ADAM9: variants seen among roughly 807,000 people sequenced by gnomAD.
ADAM9 encodes the protein ADAM metallopeptidase domain 9, also known as disintegrin and metalloproteinase domain-containing protein 9.
In ADAM9, 54 loss-of-function variants were observed where a neutral mutation model predicts 108.1. That is an observed-to-expected ratio of 0.50 (90% CI 0.40 to 0.63). The LOEUF (loss-of-function observed/expected upper bound fraction) is 0.63. Among genes scored for constraint, ADAM9 ranks in the 20% least tolerant of loss-of-function variants. The pLI is 0.00. For synonymous variants in ADAM9, 316 were observed against 336.0 expected (o/e 0.94, Z 0.65); for missense variants, 830 against 997.7 (o/e 0.83, Z 2.26).
intron 13 of ADAM9, among the ~76,000 whole-genome samples, chr8:39,055,200 T>C (rs190845464): frequency 2.0e-5 from 3 of 152,312 alleles, no homozygotes; most frequent in East Asian, 1.9e-4. Flanking sequence ...GTTTTTGATA[T>C]ACATTTTATA....
intron 1 of ADAM9, among the ~76,000 whole-genome samples, chr8:39,001,244 T>C (rs753770622): frequency 6.6e-6 from 1 of 152,226 alleles, no homozygotes; most frequent in Non-Finnish European, 1.5e-5. Flanking sequence ...ATGTGTAGGC[T>C]ATGTAGATTT....
chr8:39,017,011 C>T, intron 5 of ADAM9: 2 of 572,490 alleles, frequency 3.5e-6, no homozygotes, highest in South Asian at 4.1e-5. Context: ...AAGTGACTTA[C>T]AGGCAGTGAC....
chr8:39,026,875 G>A, intron 11 of ADAM9, 65 bp downstream of exon 11: 2 of 1,593,970 alleles, frequency 1.3e-6, no homozygotes, highest in Non-Finnish European at 1.7e-6. Context: ...TACACTGTGA[G>A]GGATATTCAT....
At chr8:39,029,738 G>A (rs1407863910) in intron 11 of ADAM9, among the ~76,000 whole-genome samples, 1 of 152,074 alleles carries the variant, frequency 6.6e-6, no homozygotes, top group Non-Finnish European at 1.5e-5. Flanking sequence ...TCATTTGGTC[G>A]GAGGGCCTGA....
rs369891020 is a variant in ADAM9, at chr8:39,007,992, T to C, written c.195+9T>C. The C allele has an allele frequency of 1.5e-5, 23 of 1,569,638 alleles. No individual in the cohort carries two copies. The highest frequency in any genetic ancestry group is 1.7e-4 in the Middle Eastern group (1 of 5,982). ...GGCCCTATTCAAAACAAGTAAGTTATAATTGTTGAGAAATAATATGTGGTT... is the reference window on the plus strand; with the variant it reads ...GGCCCTATTCAAAACAAGTAAGTTACAATTGTTGAGAAATAATATGTGGTT... On this transcript the variant is annotated intron_variant, in intron 2 of 21. Coordinates refer to ENST00000487273, the MANE Select transcript of ADAM9 (RefSeq NM_003816.3).
intron 20 of ADAM9, among the ~76,000 whole-genome samples, chr8:39,099,700 A>G (rs747504233): frequency 4.6e-5 from 7 of 152,192 alleles, no homozygotes; most frequent in Non-Finnish European, 8.8e-5. Context: ...GGCAAATCAT[A>G]GTTGTATACA....
At chr8:39,079,771 G>C (rs954871759) in intron 16 of ADAM9, among the ~76,000 whole-genome samples, 1 of 152,102 alleles carries the variant, frequency 6.6e-6, no homozygotes, top group African/African-American at 2.4e-5. Flanking sequence ...TTTTAGTAGA[G>C]ACGGGGTTTC....
rs1564396976 is a variant in ADAM9 at position 39,103,657 on chromosome 8, C to T, written c.2417C>T (p.Ala806Val). Residue 806 changes from alanine to valine, a missense_variant, in exon 22 of 22, where the codon GCC (alanine) becomes GTC (valine). This residue lies in a region of ADAM9 where 238 missense variants were observed against 235.7 expected (regional missense o/e 1.01). Coordinates refer to ENST00000487273, the MANE Select transcript of ADAM9 (RefSeq NM_003816.3). ...TCATCTCAGGGAAACTTAATTCCTG[C>T]CCGTCCTGCTCCTGCACCTCCTTTA... Reference protein sequence around the residue: ...KVSSQGNLIPARPAPAPPLYS... With the variant: ...KVSSQGNLIPVRPAPAPPLYS... 1 of 1,614,112 alleles carries T rather than the reference C, an allele frequency of 6.2e-7. No individual in the cohort carries two copies. Among genetic ancestry groups the T allele is most frequent in the Non-Finnish European group, 8.5e-7 (1 of 1,179,996 alleles).
At chr8:39,007,865 T>C (rs757129196) in intron 1 of ADAM9, 21 bp from the exon 2 acceptor site, 7 of 1,535,594 alleles carry the variant, frequency 4.6e-6, no homozygotes, top group Non-Finnish European at 6.3e-6. Flanking sequence ...CTTATTATAT[T>C]TGTTTTTGCC....
At position 39,040,044 on chromosome 8, in the gene ADAM9, T is replaced by TTTTA. The variant is rs201372354; in HGVS notation, c.1131-1882_1131-1879dup. Among the ~76,000 whole-genome samples the TTTTA allele has an allele frequency of 5.0e-4, 76 of 152,194 alleles. No homozygotes were observed. In the East Asian group the frequency reaches 5.8e-3, roughly 12 times the overall value. ...TACTCTCACTAGCACTTGTCATCTC[T>TTTTA]TTTATTTATTTATTTATTTATTTGA... On this transcript the variant is annotated intron_variant, in intron 11 of 21. Transcript: ENST00000487273.
chr8:39,039,268 A>G (rs756497749), intron 11 of ADAM9, among the ~76,000 whole-genome samples: 2 of 152,216 alleles, frequency 1.3e-5, no homozygotes, highest in Non-Finnish European at 2.9e-5. Context: ...CCTTGAAAAA[A>G]TACAAATATA....
intron 11 of ADAM9, among the ~76,000 whole-genome samples, chr8:39,027,124 T>G (rs1235133363): frequency 6.6e-6 from 1 of 152,184 alleles, no homozygotes. Flanking sequence ...GTAAACCAGT[T>G]ATAGACTGAA....
rs1025113566 is a variant in ADAM9 at position 39,017,243 on chromosome 8, G to T, written c.435G>T (p.Ala145=). Residue 145 remains alanine (A), a synonymous_variant, in exon 6 of 22, where the codon GCG becomes GCT. Transcript: ENST00000487273. ...GLRGLLHLEN[A]SYGIEPLQNS... is the part of the protein sequence containing the mutation. ...GAGGATTGCTGCATTTAGAGAATGC[G>T]AGTTATGGGATTGAACCCCTGCAGA... 21 of 1,614,004 alleles carry T rather than the reference G, an allele frequency of 1.3e-5. No homozygotes were observed. Among genetic ancestry groups the T allele is most frequent in the Non-Finnish European group, 1.6e-5 (19 of 1,180,022 alleles).
intron 12 of ADAM9, 37 bp from the exon 13 acceptor site, chr8:39,054,444 A>C (rs1197537982): frequency 6.5e-7 from 1 of 1,549,404 alleles, no homozygotes; most frequent in Admixed American, 1.7e-5. Context: ...CATGTCAATT[A>C]CTAATTTCTT....
intron 20 of ADAM9, among the ~76,000 whole-genome samples, chr8:39,096,312 A>AT (rs1041582004): frequency 2.0e-5 from 3 of 151,040 alleles, no homozygotes; most frequent in African/African-American, 7.3e-5. Flanking sequence ...TTTGATTCTC[A>AT]TTTTCCTTTG....
rs115914333 is a variant in ADAM9 at position 39,011,444 on chromosome 8, T to A, written c.196-214T>A. On this transcript the variant is annotated intron_variant, in intron 2 of 21. Transcript: ENST00000487273. ...AAGAAGAGTTAGATAGACATGGGGT[T>A]ATTTTCCATGATCAGTTATGAAAGG... is the stretch of plus-strand genomic sequence containing the variant. 6.9e-3 allele frequency among the ~76,000 whole-genome samples: 1,049 copies of A among 152,314 alleles called. 18 individuals are homozygous for A. The highest frequency in any genetic ancestry group is 0.024 in the African/African-American group (1,001 of 41,564).
intron 8 of ADAM9, among the ~76,000 whole-genome samples, chr8:39,022,328 C>T (rs1036643731): frequency 1.1e-4 from 17 of 152,124 alleles, no homozygotes; most frequent in Non-Finnish European, 1.6e-4. Context: ...TTACTCCTTA[C>T]AGTACCCCTA....
chr8:39,103,530 A>C, intron 21 of ADAM9, 77 bp from the exon 22 acceptor site: 1 of 1,346,316 alleles, frequency 7.4e-7, no homozygotes, highest in Admixed American at 1.7e-5. Flanking sequence ...GGATGGTGTT[A>C]TGTTGAGCTT....
chr8:39,003,485 T>TAA lies in ADAM9; in HGVS notation c.98-4388_98-4387dup, dbSNP rs11420960. 8.7e-3 allele frequency among the ~76,000 whole-genome samples: 1,275 copies of TAA among 146,154 alleles called. 17 individuals are homozygous for TAA. Among genetic ancestry groups the TAA allele is most frequent in the East Asian group, 0.018 (92 of 5,082 alleles). ...TGAGAAACTGCTACTATTTGGAATT[T>TAA]AAAAAAAAAAAAAACAACTAAAGGG... On this transcript the variant is annotated intron_variant, in intron 1 of 21. Coordinates refer to ENST00000487273, the MANE Select transcript of ADAM9 (RefSeq NM_003816.3).
Sources: allele counts gnomAD v4.1 joint callset (sites outside exome capture counted in the v4.1 genomes callset), GRCh38; gene constraint gnomAD v4.1.1; regional missense constraint gnomAD v4.1.1; transcripts MANE v1.5; gene names NCBI Gene and HGNC (gene_info 2026-07-23, HGNC 2026-07-21).